Variants in GOLGB1 observed in about 807,000 individuals in gnomAD.
The protein encoded by GOLGB1 is golgin subfamily B member 1.
GOLGB1 carries 174 observed loss-of-function variants against 336.9 expected under a neutral mutation model. That is an observed-to-expected ratio of 0.52 (90% confidence interval 0.46 to 0.59). The LOEUF is 0.59. GOLGB1 is among the 20% of genes least tolerant of loss of function. The pLI, the probability that GOLGB1 is intolerant of heterozygous loss-of-function variation, is 0.00. For synonymous variants in GOLGB1, 1,208 were observed against 1,289.2 expected (o/e 0.94, Z 1.35); for missense variants, 3,331 against 3,645.3 (o/e 0.91, Z 2.22).
intron 5 of GOLGB1, among the ~76,000 whole-genome samples, chr3:121,725,579 T>C (rs1945525081): frequency 6.6e-6 from 1 of 152,138 alleles, no homozygotes; most frequent in South Asian, 2.1e-4. Context: ...TTTGGGGCTG[T>C]GGGGATGCAA....
intron 14 of GOLGB1, among the ~76,000 whole-genome samples, chr3:121,687,713 T>A (rs934950242): frequency 6.6e-6 from 1 of 152,166 alleles, no homozygotes; most frequent in Non-Finnish European, 1.5e-5. Context: ...CAGATAAGAA[T>A]AATAAAGCAA....
At chr3:121,679,796 C>T (rs1045489229) in intron 15 of GOLGB1, among the ~76,000 whole-genome samples, 1 of 152,152 alleles carries the variant, frequency 6.6e-6, no homozygotes, top group African/African-American at 2.4e-5. Context: ...GACTGCCCCT[C>T]CTCCCCCACT....
intron 14 of GOLGB1, among the ~76,000 whole-genome samples, chr3:121,688,715 G>A (rs1413499479): frequency 5.3e-5 from 8 of 150,542 alleles, no homozygotes; most frequent in East Asian, 2.0e-4. Flanking sequence ...GTCTCTGCCC[G>A]GCCGCCATCC....
rs1343563647 is a variant in GOLGB1 at position 121,681,825 on chromosome 3, A to T, written c.8735T>A (p.Ile2912Asn). The T allele has an allele frequency of 6.2e-7, 1 of 1,606,982 alleles. No homozygotes were observed. The highest frequency in any genetic ancestry group is 8.5e-7 in the Non-Finnish European group (1 of 1,174,178). The change falls in exon 15 of 22, where the codon ATT (isoleucine) becomes AAT (asparagine). Residue 2912 changes from isoleucine to asparagine, a missense_variant. Physicochemically the swap from Ile to Asn is moderately radical, Grantham distance 149. Transcript: ENST00000614479. Reference sequence around the variant, plus strand: ...ATGTAACTCAGTGATCTCTTGATTAATCTGTAAGTATTGCTGCTGCAGATT... The same window carrying T: ...ATGTAACTCAGTGATCTCTTGATTATTCTGTAAGTATTGCTGCTGCAGATT... Reference protein sequence around the residue: ...LKNLQQQYLQINQEITELHPL... With the variant: ...LKNLQQQYLQNNQEITELHPL...
At chr3:121,730,107 C>T in intron 2 of GOLGB1, 90 bp from the exon 3 acceptor site, 1 of 798,340 alleles carries the variant, frequency 1.3e-6, no homozygotes. Context: ...TTATGTTTTG[C>T]CCAATTCATA....
intron 6 of GOLGB1, 102 bp from the exon 7 acceptor site, chr3:121,719,870 G>T: frequency 9.8e-7 from 1 of 1,018,310 alleles, no homozygotes; most frequent in Non-Finnish European, 1.3e-6. Flanking sequence ...AGACTTGATA[G>T]TAGCTTTTTA....
At chr3:121,699,790 A>C (rs760304721) in intron 12 of GOLGB1, 22 bp downstream of exon 12, 10 of 1,425,508 alleles carry the variant, frequency 7.0e-6, no homozygotes, top group Non-Finnish European at 9.8e-6. Flanking sequence ...TGTTCTGGTT[A>C]TATTAAGAAC....
rs115775800 is a variant in GOLGB1 at position 121,695,478 on chromosome 3, T to C, written c.5045A>G (p.Lys1682Arg). ...AEQEMEEMKE[K>R]MRKFAKSKQQ... ...TTTAGATTTAGCAAACTTTCTCATCTTTTCTTTCATTTCCTCCATTTCTTG... is the reference window on the plus strand; with the variant it reads ...TTTAGATTTAGCAAACTTTCTCATCCTTTCTTTCATTTCCTCCATTTCTTG... Residue 1682 changes from lysine to arginine, a missense_variant, in exon 13 of 22, where the codon AAG becomes AGG. By Grantham distance (26) the Lys-to-Arg change is conservative. Coordinates refer to ENST00000614479, the MANE Select transcript of GOLGB1 (RefSeq NM_001366282.2). The C allele has an allele frequency of 8.1e-4, 1,315 of 1,614,090 alleles. 11 individuals are homozygous for C. In the African/African-American group the frequency reaches 0.013, roughly 16 times the overall value.
rs748289709 is a variant in GOLGB1, at chr3:121,696,943, C to T, written c.3580G>A (p.Ala1194Thr). 2.0e-5 allele frequency: 32 copies of T among 1,613,830 alleles called. No homozygotes were observed. Among genetic ancestry groups the T allele is most frequent in the Non-Finnish European group, 2.5e-5 (30 of 1,179,952 alleles). The change falls in exon 13 of 22, where the codon GCA (alanine) becomes ACA (threonine). Residue 1194 changes from alanine to threonine, a missense_variant. Coordinates refer to ENST00000614479, the MANE Select transcript of GOLGB1 (RefSeq NM_001366282.2). Reference protein sequence around the residue: ...KLQEALTSRKAILKKAQEKER... With the variant: ...KLQEALTSRKTILKKAQEKER... ...TTCTCCTGTGCCTTTTTAAGAATTG[C>T]CTTGCGGGAGGTTAAGGCTTCCTGT...
chr3:121,678,121 C>T (rs1196524854), intron 15 of GOLGB1, among the ~76,000 whole-genome samples: 1 of 152,196 alleles, frequency 6.6e-6, no homozygotes, highest in Admixed American at 6.5e-5. Context: ...CTGCAATCAT[C>T]ATCATTTGTT....
intron 9 of GOLGB1, among the ~76,000 whole-genome samples, chr3:121,716,070 TA>T (rs1944748840): frequency 6.6e-6 from 1 of 152,202 alleles, no homozygotes; most frequent in Admixed American, 6.5e-5. Flanking sequence ...TAATTGTTTC[TA>T]AAATCTTTCC....
At chr3:121,677,078 G>A (rs1267524488) in intron 16 of GOLGB1, 48 bp from the exon 17 acceptor site, 2 of 1,607,354 alleles carry the variant, frequency 1.2e-6, no homozygotes, top group African/African-American at 2.7e-5. Context: ...GATTGCGCAT[G>A]CTTAATTCCT....
intron 17 of GOLGB1, among the ~76,000 whole-genome samples, chr3:121,672,372 G>A (rs1326380142): frequency 6.6e-6 from 1 of 152,160 alleles, no homozygotes; most frequent in East Asian, 1.9e-4. Context: ...ACAATTCTCT[G>A]ATGTTTAGGG....
rs140714996 is a variant in GOLGB1, at chr3:121,734,974, T to C, written c.-2-4001A>G. ...TACTACTCAGCAAAAGAATGAACAA[T>C]TGATTCACACAACACAATACTTAAA... On this transcript the variant is annotated intron_variant, in intron 1 of 21. Transcript: ENST00000614479. 5.6e-4 allele frequency among the ~76,000 whole-genome samples: 85 copies of C among 152,362 alleles called. No individual in the cohort carries two copies. The East Asian group carries it at 0.016, about 28-fold the overall frequency.
In GOLGB1 at chr3:121,741,631, C is replaced by T. The variant is rs1310045027; in HGVS notation, c.-3+8001G>A. Among the ~76,000 whole-genome samples the T allele has an allele frequency of 2.6e-5, 4 of 152,158 alleles. No homozygotes were observed. In the East Asian group the frequency reaches 7.7e-4, roughly 29 times the overall value. ...TATTTTCAGTTATGAAAAGAAGATA[C>T]AGATGTAATACAGAAGAAATTAAGA... On this transcript the variant is annotated intron_variant, in intron 1 of 21. Coordinates refer to ENST00000614479, the MANE Select transcript of GOLGB1 (RefSeq NM_001366282.2).
chr3:121,699,523 T>C (rs1943217028), intron 12 of GOLGB1, among the ~76,000 whole-genome samples: 1 of 152,166 alleles, frequency 6.6e-6, no homozygotes, highest in Admixed American at 6.6e-5. Flanking sequence ...TTTTCTGAGA[T>C]GAACAAAGAA....
At chr3:121,739,137 T>C (rs1342744962) in intron 1 of GOLGB1, among the ~76,000 whole-genome samples, 1 of 152,110 alleles carries the variant, frequency 6.6e-6, no homozygotes, top group African/African-American at 2.4e-5. Flanking sequence ...TGGTGGCACA[T>C]GCATGTAGGT....
At chr3:121,747,275 A>G (rs1947382229) in intron 1 of GOLGB1, among the ~76,000 whole-genome samples, 2 of 135,542 alleles carry the variant, frequency 1.5e-5, no homozygotes, top group Admixed American at 7.3e-5. Context: ...ATATGTATAT[A>G]TGTATATATG....
At chr3:121,737,924 T>C (rs1037286404) in intron 1 of GOLGB1, among the ~76,000 whole-genome samples, 1 of 152,158 alleles carries the variant, frequency 6.6e-6, no homozygotes, top group African/African-American at 2.4e-5. Context: ...CAGGATCATA[T>C]ATAACTTCAT....
Sources: allele counts gnomAD v4.1 joint callset (sites outside exome capture counted in the v4.1 genomes callset), GRCh38; gene constraint gnomAD v4.1.1; transcripts MANE v1.5; gene names NCBI Gene and HGNC (gene_info 2026-07-23, HGNC 2026-07-21).